CNTN5: variants seen among roughly 807,000 people sequenced by gnomAD.
CNTN5 encodes the protein contactin 5, also known as contactin-5.
CNTN5 carries 77 observed loss-of-function variants against 129.1 expected under a neutral mutation model. That is an observed-to-expected ratio of 0.60 (90% CI 0.50 to 0.72). The LOEUF is 0.72. CNTN5 is among the 30% of genes least tolerant of loss of function. The pLI is 0.00. For missense variants in CNTN5, 1,478 were observed against 1,328.8 expected (o/e 1.11, Z -1.75); for synonymous variants, 509 against 465.6 (o/e 1.09, Z -1.20).
chr11:99,896,954 C>T (rs184913759), intron 6 of CNTN5, among the ~76,000 whole-genome samples: 46 of 152,242 alleles, frequency 3.0e-4, no homozygotes, highest in Non-Finnish European at 4.9e-4. Context: ...ACCACCTAAG[C>T]ATTCTGCCTG....
rs1369975934 is a variant in CNTN5, at chr11:99,793,019, A to AT, written c.56-26518dup. Among the ~76,000 whole-genome samples, 17 of 146,698 alleles carry AT rather than the reference A, an allele frequency of 1.2e-4. No homozygotes were observed. In the East Asian group the frequency reaches 2.0e-3, roughly 17 times the overall value. ...TGTTTATTTGGATCTTCCCTCTTTT[A>AT]TTTTTTTGCCTGTATTAGTCTACTA... is the stretch of plus-strand genomic sequence containing the variant. On this transcript the variant is annotated intron_variant, in intron 3 of 24. Transcript: ENST00000524871.
At chr11:99,724,033 C>T (rs1348280402) in intron 3 of CNTN5, among the ~76,000 whole-genome samples, 1 of 152,118 alleles carries the variant, frequency 6.6e-6, no homozygotes, top group Non-Finnish European at 1.5e-5. Flanking sequence ...AATATCTTCC[C>T]AGGCTTATCT....
chr11:99,727,314 A>G (rs957041824), intron 3 of CNTN5, among the ~76,000 whole-genome samples: 2 of 128,582 alleles, frequency 1.6e-5, no homozygotes, highest in Non-Finnish European at 3.3e-5. Context: ...CTCCGTCTCA[A>G]AAAAAAAAAA....
chr11:100,063,251 T>G (rs181479011), intron 10 of CNTN5, among the ~76,000 whole-genome samples: 165 of 152,198 alleles, frequency 1.1e-3, no homozygotes, highest in South Asian at 3.1e-3. Flanking sequence ...AAAAATTGCT[T>G]TCACTCCTTA....
intron 2 of CNTN5, among the ~76,000 whole-genome samples, chr11:99,532,909 A>G (rs796267866): frequency 3.9e-5 from 6 of 152,344 alleles, no homozygotes; most frequent in African/African-American, 1.4e-4. Context: ...AATCCAGTTG[A>G]TAGATTGTTA....
chr11:99,241,159 T>C (rs1861530216), intron 1 of CNTN5, among the ~76,000 whole-genome samples: 1 of 152,180 alleles, frequency 6.6e-6, no homozygotes, highest in African/African-American at 2.4e-5. Context: ...CTTTACAATA[T>C]GTCTACTTAG....
At chr11:99,886,857 CAA>C (rs1948913743) in intron 6 of CNTN5, among the ~76,000 whole-genome samples, 1 of 151,966 alleles carries the variant, frequency 6.6e-6, no homozygotes, top group African/African-American at 2.4e-5. Context: ...CAAATGTAAA[CAA>C]TATATTTTGT....
intron 2 of CNTN5, among the ~76,000 whole-genome samples, chr11:99,502,086 T>C (rs1212165700): frequency 2.0e-5 from 3 of 152,176 alleles, no homozygotes; most frequent in East Asian, 3.9e-4. Context: ...AACATTGTAT[T>C]CCCTCAACAC....
At chr11:99,815,205 G>A (rs1039449540) in intron 3 of CNTN5, among the ~76,000 whole-genome samples, 1 of 150,880 alleles carries the variant, frequency 6.6e-6, no homozygotes, top group Non-Finnish European at 1.5e-5. Context: ...ATGTAGCAAG[G>A]GGATGCAGCT....
chr11:100,183,709 A>C (rs1948209836), intron 13 of CNTN5, among the ~76,000 whole-genome samples: 1 of 152,162 alleles, frequency 6.6e-6, no homozygotes, highest in Non-Finnish European at 1.5e-5. Flanking sequence ...TAATGGTTTT[A>C]TGACTACAGA....
chr11:99,857,062 CCCTCCCTCCCTCTCTT>C (rs1445296083), intron 6 of CNTN5, among the ~76,000 whole-genome samples: 92 of 149,870 alleles, frequency 6.1e-4, no homozygotes, highest in Admixed American at 1.4e-3. Flanking sequence ...CTCCCTCTCT[CCCTCCCTCCCTCTCTT>C]CCTCTCTCTC....
chr11:99,894,721 A>G (rs973795855), intron 6 of CNTN5, among the ~76,000 whole-genome samples: 1 of 152,142 alleles, frequency 6.6e-6, no homozygotes, highest in Non-Finnish European at 1.5e-5. Flanking sequence ...CTAATAAAAT[A>G]TCAATGATTA....
chr11:100,186,345 A>T (rs1948301439), intron 13 of CNTN5, among the ~76,000 whole-genome samples: 1 of 152,190 alleles, frequency 6.6e-6, no homozygotes, highest in Non-Finnish European at 1.5e-5. Flanking sequence ...ACTGCATTCC[A>T]GCCTGGGTGA....
chr11:99,561,683 C>T (rs1948847428), intron 3 of CNTN5, among the ~76,000 whole-genome samples: 1 of 704 alleles, frequency 1.4e-3, no homozygotes, highest in African/African-American at 1.7e-3. Context: ...ATGAGAATGA[C>T]AGCTCAGCTT....
chr11:99,314,964 G>A (rs559352819), intron 1 of CNTN5, among the ~76,000 whole-genome samples: 68 of 148,672 alleles, frequency 4.6e-4, no homozygotes, highest in African/African-American at 1.6e-3. Context: ...GTGGGGGGAC[G>A]GGGTGTTGAC....
At chr11:99,793,030 T>C (rs1180117504) in intron 3 of CNTN5, among the ~76,000 whole-genome samples, 4 of 152,084 alleles carry the variant, frequency 2.6e-5, no homozygotes, top group Admixed American at 2.6e-4. Flanking sequence ...TTTTTTTGCC[T>C]GTATTAGTCT....
chr11:99,838,370 G>T (rs1947371145), intron 4 of CNTN5, among the ~76,000 whole-genome samples: 1 of 152,048 alleles, frequency 6.6e-6, no homozygotes, highest in African/African-American at 2.4e-5. Context: ...CTTTGTAAAT[G>T]ATACTTCTAT....
intron 6 of CNTN5, among the ~76,000 whole-genome samples, chr11:99,914,572 G>A (rs933006150): frequency 7.9e-5 from 12 of 152,038 alleles, no homozygotes; most frequent in African/African-American, 2.9e-4. Flanking sequence ...GATTTTTACT[G>A]CTACTGAAGT....
At chr11:99,921,174 T>G (rs1949929745) in intron 7 of CNTN5, among the ~76,000 whole-genome samples, 1 of 152,204 alleles carries the variant, frequency 6.6e-6, no homozygotes, top group Admixed American at 6.5e-5. Flanking sequence ...TATGGCAACT[T>G]GAGCACACTC....
Sources: gnomAD v4.1 joint callset for allele counts (sites outside exome capture counted in the v4.1 genomes callset) on GRCh38, gnomAD v4.1.1 for gene constraint, MANE v1.5 for transcripts, NCBI Gene and HGNC (gene_info 2026-07-23, HGNC 2026-07-21) for gene names.